The following IMMP2L variants were observed in gnomAD, a reference collection of about 807,000 sequenced individuals.
IMMP2L encodes the protein inner mitochondrial membrane peptidase subunit 2.
Under a neutral mutation model 19.3 loss-of-function variants are expected in IMMP2L, and 18 were observed. The observed-to-expected ratio is 0.93, with a 90% CI of 0.64 to 1.38. IMMP2L has a LOEUF of 1.38. IMMP2L is among the 40% of genes most tolerant of loss of function. The probability of loss-of-function intolerance (pLI) is 0.00; values close to 1 mark genes in which losing one functional copy is unlikely to be tolerated. For missense variants in IMMP2L, 233 were observed against 218.2 expected (o/e 1.07, Z -0.43); for synonymous variants, 76 against 73.0 (o/e 1.04, Z -0.21).
intron 3 of IMMP2L, among the ~76,000 whole-genome samples, chr7:111,130,253 G>C (rs1430607447): frequency 6.6e-6 from 1 of 152,088 alleles, no homozygotes; most frequent in Non-Finnish European, 1.5e-5. Flanking sequence ...ATTCAAATAA[G>C]TGATAAATTC....
At chr7:111,056,230 T>C (rs1439297656) in intron 3 of IMMP2L, among the ~76,000 whole-genome samples, 1 of 152,230 alleles carries the variant, frequency 6.6e-6, no homozygotes, top group Admixed American at 6.5e-5. Flanking sequence ...CTTTATCATT[T>C]ATAACATAAT....
chr7:111,142,566 A>G (rs1452035769), intron 3 of IMMP2L, among the ~76,000 whole-genome samples: 5 of 152,142 alleles, frequency 3.3e-5, no homozygotes, highest in Non-Finnish European at 1.5e-5. Flanking sequence ...GCAGATCACT[A>G]CAATTAACAC....
At chr7:111,479,624 C>T (rs184312943) in intron 3 of IMMP2L, among the ~76,000 whole-genome samples, 2 of 152,196 alleles carry the variant, frequency 1.3e-5, no homozygotes, top group Non-Finnish European at 1.5e-5. Flanking sequence ...TGCTTCTCCT[C>T]GATAGCTAAA....
At chr7:111,331,955 A>G (rs1563069067) in intron 3 of IMMP2L, among the ~76,000 whole-genome samples, 1 of 151,818 alleles carries the variant, frequency 6.6e-6, no homozygotes, top group Non-Finnish European at 1.5e-5. Flanking sequence ...AATAGTATAC[A>G]TATATATATT....
chr7:110,998,655 C>G (rs1272636351), intron 3 of IMMP2L, among the ~76,000 whole-genome samples: 1 of 152,144 alleles, frequency 6.6e-6, no homozygotes, highest in Non-Finnish European at 1.5e-5. Flanking sequence ...GAGGGAATGA[C>G]TGGAAAGTTG....
chr7:110,953,900 G>T (rs1365663058), intron 4 of IMMP2L, among the ~76,000 whole-genome samples: 1 of 152,056 alleles, frequency 6.6e-6, no homozygotes, highest in Non-Finnish European at 1.5e-5. Flanking sequence ...GTTTTTACTT[G>T]CATTTCTCTG....
chr7:111,533,111 G>C (rs1449334023), intron 1 of IMMP2L, among the ~76,000 whole-genome samples: 1 of 152,106 alleles, frequency 6.6e-6, no homozygotes, highest in Non-Finnish European at 1.5e-5. Flanking sequence ...ACAGCCAAGA[G>C]GCCAGAGTAT....
chr7:111,411,323 G>A lies in IMMP2L; in HGVS notation c.239+75915C>T, dbSNP rs1021237419. 6.7e-5 allele frequency: 16 copies of A among 238,014 alleles called. 1 individual carries two copies. Among genetic ancestry groups the A allele is most frequent in the South Asian group, 5.3e-5 (1 of 18,928 alleles). 14.7% of individuals were successfully genotyped at this position (238,014 alleles called of 1,614,324 possible). On this transcript the variant is annotated intron_variant, in intron 3 of 5. Transcript: ENST00000405709. Reference sequence around the variant, plus strand: ...ACACAAAGGCAAAGATGTCATTACCGATATACCCAGGACCTAGCCAAAGCC... The same window carrying A: ...ACACAAAGGCAAAGATGTCATTACCAATATACCCAGGACCTAGCCAAAGCC...
chr7:111,281,306 G>C (rs189461711), intron 3 of IMMP2L, among the ~76,000 whole-genome samples: 23 of 147,464 alleles, frequency 1.6e-4, no homozygotes, highest in African/African-American at 5.8e-4. Flanking sequence ...AAGGAAGGAA[G>C]GAAAGAAAGA....
chr7:111,331,954 C>T lies in IMMP2L; in HGVS notation c.239+155284G>A, dbSNP rs554920113. 1.9e-4 allele frequency among the ~76,000 whole-genome samples: 29 copies of T among 151,758 alleles called. 1 individual carries two copies. In the South Asian group the frequency reaches 5.8e-3, roughly 30 times the overall value. ...GTTAAGCAAAAAAACTAATAGTATA[C>T]ATATATATATTTATTTGTAGGTATA... On this transcript the variant is annotated intron_variant, in intron 3 of 5. Coordinates refer to ENST00000405709, the MANE Select transcript of IMMP2L (RefSeq NM_032549.4).
intron 5 of IMMP2L, among the ~76,000 whole-genome samples, chr7:110,833,118 C>G (rs565844073): frequency 1.1e-4 from 16 of 152,028 alleles, no homozygotes. Context: ...CATTCTAGAA[C>G]AAGAAAAAGT....
At chr7:110,776,115 A>G (rs1799369011) in intron 5 of IMMP2L, among the ~76,000 whole-genome samples, 1 of 152,062 alleles carries the variant, frequency 6.6e-6, no homozygotes, top group Non-Finnish European at 1.5e-5. Context: ...TGTGTAAATT[A>G]TCTCTAATGT....
intron 3 of IMMP2L, among the ~76,000 whole-genome samples, chr7:111,301,638 A>G (rs1822250678): frequency 6.6e-6 from 1 of 152,048 alleles, no homozygotes; most frequent in African/African-American, 2.4e-5. Context: ...TGTAGAAGGT[A>G]TGAGGTTTAG....
chr7:111,084,430 T>C (rs554005266), intron 3 of IMMP2L, among the ~76,000 whole-genome samples: 28 of 151,092 alleles, frequency 1.9e-4, no homozygotes, highest in South Asian at 8.4e-4. Context: ...TACCAGACAA[T>C]TGGAGGGAAG....
intron 2 of IMMP2L, among the ~76,000 whole-genome samples, chr7:111,516,215 A>T (rs1845853979): frequency 6.6e-6 from 1 of 152,250 alleles, no homozygotes; most frequent in South Asian, 2.1e-4. Flanking sequence ...TTAATATACC[A>T]ATCAGCAAGC....
chr7:111,252,605 C>T (rs1026267864), intron 3 of IMMP2L, among the ~76,000 whole-genome samples: 3 of 152,124 alleles, frequency 2.0e-5, no homozygotes, highest in African/African-American at 7.2e-5. Flanking sequence ...ATGAATAATA[C>T]GTGGCTCCAA....
chr7:110,680,556 T>C (rs1432632863), intron 5 of IMMP2L, among the ~76,000 whole-genome samples: 1 of 152,086 alleles, frequency 6.6e-6, no homozygotes, highest in East Asian at 1.9e-4. Context: ...ATCTAGCATG[T>C]GCTTGAAGTT....
Position 110,712,621 on chromosome 7 carries a change from T to A in IMMP2L, c.409-48900A>T, listed in dbSNP as rs1412526454. 9.4e-5 allele frequency among the ~76,000 whole-genome samples: 3 copies of A among 31,816 alleles called. 1 individual carries two copies. In the South Asian group the frequency reaches 2.4e-3, roughly 25 times the overall value. 20.9% of individuals were successfully genotyped at this position (31,816 alleles called of 152,430 possible). On this transcript the variant is annotated intron_variant, in intron 5 of 5. Transcript: ENST00000405709. ...CCCCTCCCCCAGCCTCGTTGCCGCC[T>A]TGCAGTTTGATCTCAGACTGCTGTG...
chr7:111,480,607 A>AC (rs2132199461), intron 3 of IMMP2L, among the ~76,000 whole-genome samples: 1 of 149,438 alleles, frequency 6.7e-6, no homozygotes, highest in South Asian at 2.1e-4. Context: ...CAAAAAAAAA[A>AC]AAAAAAAAAA....
Sources: allele counts gnomAD v4.1 joint callset (sites outside exome capture counted in the v4.1 genomes callset), GRCh38; gene constraint gnomAD v4.1.1; transcripts MANE v1.5; gene names NCBI Gene and HGNC (gene_info 2026-07-23, HGNC 2026-07-21).